Variants in FRS2 observed in about 807,000 individuals in gnomAD.
FRS2 encodes the protein fibroblast growth factor receptor substrate 2, also known as FGFR signalling adaptor.
FRS2 carries 8 observed loss-of-function variants against 43.9 expected under a neutral mutation model. That is an observed-to-expected ratio of 0.18 (90% CI 0.11 to 0.33). FRS2 has a LOEUF of 0.33. FRS2 is among the 10% of genes least tolerant of loss of function. FRS2 has a pLI of 1.00. For missense variants in FRS2, 534 were observed against 627.6 expected (o/e 0.85, Z 1.59); for synonymous variants, 219 against 220.3 (o/e 0.99, Z 0.05).
At chr12:69,474,257 C>A (rs1870567402) in intron 1 of FRS2, among the ~76,000 whole-genome samples, 1 of 151,968 alleles carries the variant, frequency 6.6e-6, no homozygotes, top group Non-Finnish European at 1.5e-5. Flanking sequence ...TGTATACTTG[C>A]CAAACGCTGG....
At chr12:69,478,250 A>T (rs1460105366) in intron 1 of FRS2, among the ~76,000 whole-genome samples, 1 of 152,138 alleles carries the variant, frequency 6.6e-6, no homozygotes, top group African/African-American at 2.4e-5. Flanking sequence ...TAAAATTATC[A>T]ATGTATTTCT....
At chr12:69,525,481 G>T (rs1284909391) in intron 1 of FRS2, among the ~76,000 whole-genome samples, 1 of 152,066 alleles carries the variant, frequency 6.6e-6, no homozygotes, top group Non-Finnish European at 1.5e-5. Context: ...CCCCAACATT[G>T]ATTTCAAAAC....
intron 1 of FRS2, among the ~76,000 whole-genome samples, chr12:69,524,908 A>G (rs1402738813): frequency 6.6e-6 from 1 of 152,164 alleles, no homozygotes; most frequent in Non-Finnish European, 1.5e-5. Context: ...CCCCTTCTGC[A>G]GGAATCACTG....
intron 3 of FRS2, among the ~76,000 whole-genome samples, chr12:69,561,697 T>C (rs1372000533): frequency 6.6e-6 from 1 of 152,120 alleles, no homozygotes; most frequent in Non-Finnish European, 1.5e-5. Flanking sequence ...AGGGGTCTTG[T>C]GGAATAGGAA....
chr12:69,550,467 G>C (rs1331054497), intron 3 of FRS2, among the ~76,000 whole-genome samples: 1 of 152,174 alleles, frequency 6.6e-6, no homozygotes, highest in African/African-American at 2.4e-5. Context: ...TAAGAACTCA[G>C]ATCTCTCTAG....
At chr12:69,571,530 C>T in intron 7 of FRS2, 96 bp downstream of exon 7, 1 of 972,256 alleles carries the variant, frequency 1.0e-6, no homozygotes. Context: ...CTAGAAATCA[C>T]CACTGGATAA....
chr12:69,575,038 C>A lies in FRS2; in HGVS notation c.*83C>A. 1 of 875,888 alleles carries A rather than the reference C, an allele frequency of 1.1e-6. No homozygotes were observed. The highest frequency in any genetic ancestry group is 1.7e-5 in the African/African-American group (1 of 59,644). 54.3% of individuals were successfully genotyped at this position (875,888 alleles called of 1,614,324 possible). A position where few individuals can be genotyped will look rare whatever the true frequency, so the allele number is the denominator to read the frequency against. On this transcript the variant is annotated 3_prime_UTR_variant, in exon 9 of 9. Coordinates refer to ENST00000549921, the MANE Select transcript of FRS2 (RefSeq NM_001278356.2). ...AGTGCTTCATTTTCATTTCTAAACA[C>A]TAACTCCTTTTATAGACTGATAAAA...
chr12:69,510,448 C>T (rs534201361), intron 1 of FRS2, among the ~76,000 whole-genome samples: 1 of 152,258 alleles, frequency 6.6e-6, no homozygotes, highest in South Asian at 2.1e-4. Context: ...AATACATATT[C>T]TGATACAGTT....
At position 69,574,245 on chromosome 12, in the gene FRS2, A is replaced by G; in HGVS notation, c.817A>G (p.Arg273Gly). ...AAAAGAGAAACTGGAGCAACTTGGA[A>G]GAGATCAAGTTAGTGGAAGTGGAGC... Reference protein sequence around the residue: ...MEKEKLEQLGRDQVSGSGANN... With the variant: ...MEKEKLEQLGGDQVSGSGANN... Residue 273 changes from arginine to glycine, a missense_variant, in exon 9 of 9, where the codon AGA becomes GGA. By Grantham distance (125) the Arg-to-Gly change is moderately radical. Coordinates refer to ENST00000549921, the MANE Select transcript of FRS2 (RefSeq NM_001278356.2). 1.2e-6 allele frequency: 2 copies of G among 1,613,130 alleles called. No individual in the cohort carries two copies. Among genetic ancestry groups the G allele is most frequent in the Middle Eastern group, 1.6e-4 (1 of 6,062 alleles).
At chr12:69,525,024 T>A (rs1876066543) in intron 1 of FRS2, among the ~76,000 whole-genome samples, 1 of 152,050 alleles carries the variant, frequency 6.6e-6, no homozygotes, top group African/African-American at 2.4e-5. Flanking sequence ...TCTTAATGCC[T>A]TCCCTCTGAA....
chr12:69,545,755 CAAAAAAAAAAAA>C (rs60460901), intron 3 of FRS2, among the ~76,000 whole-genome samples: 2 of 80,430 alleles, frequency 2.5e-5, no homozygotes, highest in Non-Finnish European at 5.0e-5. Context: ...GACCCTGTCT[CAAAAAAAAAAAA>C]AAAAAAAAAA....
At chr12:69,536,278 C>A (rs775062976) in intron 3 of FRS2, among the ~76,000 whole-genome samples, 8 of 151,676 alleles carry the variant, frequency 5.3e-5, no homozygotes, top group Non-Finnish European at 1.2e-4. Flanking sequence ...GTGTGCACCA[C>A]CATGCCTGGC....
chr12:69,561,485 G>A (rs1879872578), intron 3 of FRS2, among the ~76,000 whole-genome samples: 2 of 152,166 alleles, frequency 1.3e-5, no homozygotes, highest in East Asian at 3.9e-4. Context: ...GTAAATTTTA[G>A]TGTCCCTGTT....
At chr12:69,554,861 C>T (rs549837631) in intron 3 of FRS2, among the ~76,000 whole-genome samples, 6 of 148,942 alleles carry the variant, frequency 4.0e-5, no homozygotes, top group South Asian at 2.1e-4. Context: ...TTCGCCACCA[C>T]GCCCAGCTAA....
At chr12:69,533,744 C>G (rs1006825602) in intron 3 of FRS2, among the ~76,000 whole-genome samples, 2 of 152,058 alleles carry the variant, frequency 1.3e-5, no homozygotes, top group African/African-American at 4.8e-5. Flanking sequence ...ATGAAATGAG[C>G]AATTTGATCT....
rs1356194135 is a variant in FRS2, at chr12:69,576,461, T to C, written c.*1506T>C. The C allele has an allele frequency of 1.3e-5, 2 of 152,208 alleles. No individual in the cohort carries two copies. Among genetic ancestry groups the C allele is most frequent in the African/African-American group, 2.4e-5 (1 of 41,464 alleles). The allele number at this position is 152,208 out of a possible 1,614,324, so 9.4% of individuals were successfully genotyped here. On this transcript the variant is annotated 3_prime_UTR_variant, in exon 9 of 9. Coordinates refer to ENST00000549921, the MANE Select transcript of FRS2 (RefSeq NM_001278356.2). The stretch of plus-strand genomic sequence containing the variant: ...TTCCAATTTCCTAAACACTAGAGAA[T>C]ACGAGAGAAGGTAGAGTGGAAAAGG...
chr12:69,511,429 T>C (rs1414085862), intron 1 of FRS2, among the ~76,000 whole-genome samples: 2 of 152,228 alleles, frequency 1.3e-5, no homozygotes, highest in Non-Finnish European at 2.9e-5. Flanking sequence ...TGATAATGTT[T>C]TATAAATGGA....
intron 1 of FRS2, among the ~76,000 whole-genome samples, chr12:69,488,153 G>A (rs376612655): frequency 2.6e-5 from 4 of 152,320 alleles, no homozygotes; most frequent in African/African-American, 9.6e-5. Flanking sequence ...GGGTTTGAGA[G>A]GATTGATGAC....
intron 1 of FRS2, among the ~76,000 whole-genome samples, chr12:69,487,606 T>G (rs1275239634): frequency 6.6e-6 from 1 of 152,264 alleles, no homozygotes; most frequent in African/African-American, 2.4e-5. Flanking sequence ...TTTTCATGCC[T>G]ACTAACACAT....
Sources: allele counts gnomAD v4.1 joint callset (sites outside exome capture counted in the v4.1 genomes callset), GRCh38; gene constraint gnomAD v4.1.1; transcripts MANE v1.5; gene names NCBI Gene and HGNC (gene_info 2026-07-23, HGNC 2026-07-21).